Variants in FBP1 observed in about 807,000 individuals in gnomAD.
The protein encoded by FBP1 is fructose-bisphosphatase 1.
A neutral mutation model predicts 29.9 loss-of-function variants in FBP1; 22 were observed. The ratio of observed to expected loss-of-function variants is 0.74; its 90% CI spans 0.53 to 1.05. FBP1 has a LOEUF of 1.05. FBP1 is among the 50% of genes least tolerant of loss of function. The probability of loss-of-function intolerance (pLI) is 0.00; values close to 1 mark genes in which losing one functional copy is unlikely to be tolerated. For synonymous variants in FBP1, 175 were observed against 178.6 expected (o/e 0.98, Z 0.16); for missense variants, 345 against 448.2 (o/e 0.77, Z 2.08).
At chr9:94,639,014 C>A (rs913944821) in intron 1 of FBP1, 127 bp downstream of exon 1, 5 of 943,214 alleles carry the variant, frequency 5.3e-6, no homozygotes, top group Admixed American at 2.0e-5. Flanking sequence ...GCGAGAGAGG[C>A]GCTCAGACAT....
chr9:94,635,758 C>A (rs951671624), intron 1 of FBP1, among the ~76,000 whole-genome samples: 5 of 152,186 alleles, frequency 3.3e-5, no homozygotes, highest in African/African-American at 9.7e-5. Context: ...AAGGGTACAG[C>A]ACTGTAATAC....
At chr9:94,603,598 C>T (rs1827647546) in intron 6 of FBP1, 26 bp from the exon 7 acceptor site, 5 of 1,607,234 alleles carry the variant, frequency 3.1e-6, no homozygotes, top group Non-Finnish European at 4.3e-6. Flanking sequence ...GGGTAGCGGC[C>T]TCCTTGTATC....
intron 1 of FBP1, among the ~76,000 whole-genome samples, chr9:94,633,950 C>A (rs1365010899): frequency 6.6e-6 from 1 of 151,088 alleles, no homozygotes; most frequent in Non-Finnish European, 1.5e-5. Context: ...TCGTGATCCG[C>A]CCGACTCGGC....
intron 5 of FBP1, among the ~76,000 whole-genome samples, chr9:94,606,247 T>C (rs1222461659): frequency 6.6e-6 from 1 of 152,046 alleles, no homozygotes; most frequent in Non-Finnish European, 1.5e-5. Context: ...CACACAGCCA[T>C]TTCTTCTCTT....
In FBP1 at chr9:94,613,450, C is replaced by T. The variant is rs140082493; in HGVS notation, c.427-3389G>A. Among the ~76,000 whole-genome samples, 206 of 152,314 alleles carry T rather than the reference C, an allele frequency of 1.4e-3. 1 individual carries two copies. Among genetic ancestry groups the T allele is most frequent in the African/African-American group, 4.9e-3 (202 of 41,564 alleles). On this transcript the variant is annotated intron_variant, in intron 3 of 6. Coordinates refer to ENST00000375326, the MANE Select transcript of FBP1 (RefSeq NM_000507.4). Reference sequence around the variant, plus strand: ...TACCCAGCATTGCAGGAGAATTCGCCCTGTCAGGATGTCTCCAGCCAGACA... The same window carrying T: ...TACCCAGCATTGCAGGAGAATTCGCTCTGTCAGGATGTCTCCAGCCAGACA...
At chr9:94,610,147 A>C in intron 3 of FBP1, 86 bp from the exon 4 acceptor site, 9 of 1,375,138 alleles carry the variant, frequency 6.5e-6, no homozygotes, top group Non-Finnish European at 8.1e-6. Flanking sequence ...AGGCATTCTC[A>C]AGGTGCTCTT....
At chr9:94,639,687 C>A, upstream of FBP1, among the ~76,000 whole-genome samples, 1 of 151,880 alleles carries the variant, frequency 6.6e-6, no homozygotes, top group East Asian at 2.0e-4. Context: ...CCCCCGCCCC[C>A]ACGCGCCCTG....
At chr9:94,613,236 G>A (rs1044437963) in intron 3 of FBP1, among the ~76,000 whole-genome samples, 20 of 152,264 alleles carry the variant, frequency 1.3e-4, no homozygotes, top group African/African-American at 3.6e-4. Flanking sequence ...CTAGAGAGAA[G>A]TCTCAGATCC....
upstream of FBP1, chr9:94,639,636 A>C: frequency 2.2e-6 from 1 of 456,426 alleles, no homozygotes; most frequent in Non-Finnish European, 4.0e-6. Context: ...GCCTGCTTGG[A>C]TCTTCAGACA....
chr9:94,619,766 C>T (rs766942234), intron 2 of FBP1, among the ~76,000 whole-genome samples: 1 of 150,070 alleles, frequency 6.7e-6, no homozygotes, highest in East Asian at 2.0e-4. Context: ...CCCAGCTACT[C>T]AGGAGGCTGA....
At chr9:94,614,760 T>C (rs934140952) in intron 3 of FBP1, among the ~76,000 whole-genome samples, 5 of 152,138 alleles carry the variant, frequency 3.3e-5, no homozygotes, top group African/African-American at 9.7e-5. Context: ...AAAAATCCCC[T>C]TGGAAGCATT....
At chr9:94,605,099 C>T (rs1827677611) in intron 6 of FBP1, among the ~76,000 whole-genome samples, 1 of 152,174 alleles carries the variant, frequency 6.6e-6, no homozygotes, top group African/African-American at 2.4e-5. Context: ...ACTGAGGATA[C>T]ACATTTGATT....
chr9:94,609,794 A>G (rs1827755032), intron 4 of FBP1, 127 bp downstream of exon 4: 3 of 1,056,466 alleles, frequency 2.8e-6, no homozygotes, highest in Non-Finnish European at 4.4e-6. Flanking sequence ...TCCACCACAC[A>G]TCATCATCTC....
intron 4 of FBP1, among the ~76,000 whole-genome samples, chr9:94,607,372 G>A (rs1012999194): frequency 3.3e-5 from 5 of 152,126 alleles, no homozygotes; most frequent in East Asian, 1.9e-4. Flanking sequence ...CAGGAGAGAC[G>A]GGCCACCGCA....
At chr9:94,608,552 G>A (rs942642687) in intron 4 of FBP1, among the ~76,000 whole-genome samples, 4 of 152,174 alleles carry the variant, frequency 2.6e-5, no homozygotes, top group Admixed American at 6.5e-5. Flanking sequence ...AGTGGTGCCC[G>A]AAATTCCATC....
intron 5 of FBP1, 37 bp from the exon 6 acceptor site, chr9:94,605,613 A>T (rs1354954339): frequency 6.2e-7 from 1 of 1,608,538 alleles, no homozygotes; most frequent in South Asian, 1.1e-5. Flanking sequence ...GGATTGCAGA[A>T]AATAAGAAAG....
At chr9:94,605,956 G>A (rs1355082735) in intron 5 of FBP1, among the ~76,000 whole-genome samples, 1 of 152,162 alleles carries the variant, frequency 6.6e-6, no homozygotes, top group Non-Finnish European at 1.5e-5. Flanking sequence ...TTACAGGAGA[G>A]GAAACTGCAC....
chr9:94,626,674 C>A (rs988165212), intron 1 of FBP1, among the ~76,000 whole-genome samples: 10 of 152,164 alleles, frequency 6.6e-5, no homozygotes, highest in Admixed American at 5.9e-4. Context: ...GGAAAAATTC[C>A]TCAGAAACAA....
intron 2 of FBP1, among the ~76,000 whole-genome samples, chr9:94,619,538 C>T (rs1827911742): frequency 6.6e-6 from 1 of 152,102 alleles, no homozygotes; most frequent in African/African-American, 2.4e-5. Flanking sequence ...GCACTAGACA[C>T]TGGGACACAG....
Sources: gnomAD v4.1 joint callset for allele counts (sites outside exome capture counted in the v4.1 genomes callset) on GRCh38, gnomAD v4.1.1 for gene constraint, MANE v1.5 for transcripts, NCBI Gene and HGNC (gene_info 2026-07-23, HGNC 2026-07-21) for gene names.